Variants in ZNF536 observed in about 807,000 individuals in gnomAD.
ZNF536 encodes zinc finger protein 536.
A neutral mutation model predicts 84.5 loss-of-function variants in ZNF536; 13 were observed. The observed-to-expected ratio is 0.15, with a 90% confidence interval of 0.10 to 0.24. The LOEUF (loss-of-function observed/expected upper bound fraction) is 0.24, where lower values mean the gene tolerates loss of function less well. Ranked by LOEUF, ZNF536 falls within the 10% of genes least tolerant of loss-of-function variation. The pLI is 1.00. For synonymous variants in ZNF536, 811 were observed against 742.5 expected (o/e 1.09, Z -1.50); for missense variants, 1,536 against 1,747.5 (o/e 0.88, Z 2.16).
chr19:30,305,541 T>C (rs768936195), intron 2 of ZNF536, among the ~76,000 whole-genome samples: 143 of 152,192 alleles, frequency 9.4e-4, no homozygotes, highest in Non-Finnish European at 1.7e-3. Flanking sequence ...GCCCCTGAGA[T>C]AGCCCTGAGC....
Position 30,557,360 on chromosome 19 carries a change from G to A in ZNF536, c.*196G>A. On this transcript the variant is annotated 3_prime_UTR_variant, in exon 5 of 5. Transcript: ENST00000355537. ...ACAGTATATATAGCAGAGAATCAGAGGCTAAAAATATTACCCCATATGTTC... is the reference window on the plus strand; with the variant it reads ...ACAGTATATATAGCAGAGAATCAGAAGCTAAAAATATTACCCCATATGTTC... 3 of 516,892 alleles carry A rather than the reference G, an allele frequency of 5.8e-6. No individual in the cohort carries two copies. The highest frequency in any genetic ancestry group is 6.8e-6 in the Non-Finnish European group (2 of 293,272). 32.0% of individuals were successfully genotyped at this position (516,892 alleles called of 1,614,324 possible).
upstream of ZNF536, among the ~76,000 whole-genome samples, chr19:30,367,384 C>T (rs1325390265): frequency 6.6e-5 from 10 of 152,242 alleles, no homozygotes; most frequent in Non-Finnish European, 1.0e-4. Flanking sequence ...GCTAATTACA[C>T]ATCATCTGAC....
chr19:30,639,559 C>T (rs996613633), intron 1 of ZNF536, among the ~76,000 whole-genome samples: 5 of 152,214 alleles, frequency 3.3e-5, no homozygotes, highest in African/African-American at 1.2e-4. Flanking sequence ...GGAGGATTTA[C>T]TTTTGTTTCC....
At chr19:30,590,779 A>G (rs532513826) in intron 1 of ZNF536, among the ~76,000 whole-genome samples, 221 of 152,340 alleles carry the variant, frequency 1.5e-3, no homozygotes, top group African/African-American at 5.1e-3. Context: ...TGATTGCTTC[A>G]GAGGATGCTT....
At chr19:30,393,350 C>T (rs2049679314) in intron 1 of ZNF536, among the ~76,000 whole-genome samples, 1 of 152,168 alleles carries the variant, frequency 6.6e-6, no homozygotes, top group African/African-American at 2.4e-5. Context: ...CTGATTCATT[C>T]ATTTCTTCCT....
intron 1 of ZNF536, among the ~76,000 whole-genome samples, chr19:30,424,264 G>A (rs2051114975): frequency 6.6e-6 from 1 of 152,186 alleles, no homozygotes. Flanking sequence ...ACTTGGAGCA[G>A]GAGCACTAGG....
intron 3 of ZNF536, among the ~76,000 whole-genome samples, chr19:30,363,704 G>A (rs1481786042): frequency 1.3e-5 from 2 of 152,154 alleles, no homozygotes; most frequent in African/African-American, 4.8e-5. Flanking sequence ...TAATAAAGGA[G>A]CTAATAATTG....
At chr19:30,435,146 A>T (rs2051672748) in intron 1 of ZNF536, among the ~76,000 whole-genome samples, 1 of 148,942 alleles carries the variant, frequency 6.7e-6, no homozygotes, top group Non-Finnish European at 1.5e-5. Flanking sequence ...GATGATGGTG[A>T]TTATGATGGT....
intron 2 of ZNF536, among the ~76,000 whole-genome samples, chr19:30,484,122 C>G (rs2054198795): frequency 6.6e-6 from 1 of 152,130 alleles, no homozygotes; most frequent in African/African-American, 2.4e-5. Context: ...CTCACTCCCT[C>G]CTACGCCTGA....
chr19:30,284,475 C>T (rs772849738), intron 2 of ZNF536, among the ~76,000 whole-genome samples: 8 of 152,038 alleles, frequency 5.3e-5, no homozygotes, highest in African/African-American at 1.2e-4. Flanking sequence ...TGCTAAAGGC[C>T]GAGTGACCTC....
intron 1 of ZNF536, among the ~76,000 whole-genome samples, chr19:30,378,825 G>C (rs373414433): frequency 6.6e-6 from 1 of 152,280 alleles, no homozygotes; most frequent in African/African-American, 2.4e-5. Flanking sequence ...CTCTGTTCTG[G>C]ACCTCCCGAA....
At chr19:30,499,430 T>C (rs557187617) in intron 2 of ZNF536, among the ~76,000 whole-genome samples, 2 of 152,292 alleles carry the variant, frequency 1.3e-5, no homozygotes, top group Non-Finnish European at 2.9e-5. Context: ...TGAACGTATG[T>C]CGGTATGTAT....
intron 1 of ZNF536, among the ~76,000 whole-genome samples, chr19:30,574,310 G>T (rs952543086): frequency 6.6e-6 from 1 of 152,206 alleles, no homozygotes; most frequent in South Asian, 2.1e-4. Context: ...ATGAAAGACT[G>T]GGGGAAGAGA....
At chr19:30,480,588 A>C (rs943571070) in intron 2 of ZNF536, among the ~76,000 whole-genome samples, 4 of 152,082 alleles carry the variant, frequency 2.6e-5, no homozygotes, top group Admixed American at 6.5e-5. Context: ...TAGGACAAAT[A>C]CCTAATGCAT....
At chr19:30,580,560 T>C (rs1222021696) in intron 1 of ZNF536, among the ~76,000 whole-genome samples, 2 of 152,090 alleles carry the variant, frequency 1.3e-5, no homozygotes, top group Admixed American at 6.5e-5. Flanking sequence ...GGGTATGCTG[T>C]AGTGGTGCTG....
chr19:30,251,828 C>A (rs2024627583), intron 1 of ZNF536, among the ~76,000 whole-genome samples: 1 of 152,198 alleles, frequency 6.6e-6, no homozygotes, highest in African/African-American at 2.4e-5. Context: ...TGAGAACATA[C>A]AATGTTTGGT....
intron 1 of ZNF536, among the ~76,000 whole-genome samples, chr19:30,379,217 C>A (rs948324068): frequency 1.3e-5 from 2 of 152,142 alleles, no homozygotes; most frequent in Non-Finnish European, 2.9e-5. Flanking sequence ...GTAAGGCATC[C>A]CTCTCCCACT....
chr19:30,395,663 G>A (rs901305707), intron 1 of ZNF536, among the ~76,000 whole-genome samples: 11 of 152,114 alleles, frequency 7.2e-5, no homozygotes, highest in Non-Finnish European at 1.5e-4. Flanking sequence ...TAATAGCTGT[G>A]TACCTCTTCA....
chr19:30,641,068 T>G (rs2049250445), intron 1 of ZNF536, among the ~76,000 whole-genome samples: 1 of 152,212 alleles, frequency 6.6e-6, no homozygotes, highest in African/African-American at 2.4e-5. Flanking sequence ...CTTATAATAT[T>G]TCAAGTATAA....
Sources: gnomAD v4.1 joint callset for allele counts (sites outside exome capture counted in the v4.1 genomes callset) on GRCh38, gnomAD v4.1.1 for gene constraint, MANE v1.5 for transcripts, NCBI Gene and HGNC (gene_info 2026-07-23, HGNC 2026-07-21) for gene names.